Variants in PTPRT observed in about 807,000 individuals in gnomAD.
PTPRT encodes protein tyrosine phosphatase receptor type T.
Under a neutral mutation model 176.8 loss-of-function variants are expected in PTPRT, and 56 were observed. That is an observed-to-expected ratio of 0.32 (90% CI 0.26 to 0.40). PTPRT has a LOEUF of 0.40. Among genes scored for constraint, PTPRT ranks in the 10% least tolerant of loss-of-function variants. The probability of loss-of-function intolerance (pLI) is 1.00; values close to 1 mark genes in which losing one functional copy is unlikely to be tolerated. For missense variants in PTPRT, 1,540 were observed against 1,908.2 expected (o/e 0.81, Z 3.60); for synonymous variants, 783 against 739.0 (o/e 1.06, Z -0.96).
chr20:42,714,807 C>A (rs759633836), intron 6 of PTPRT, among the ~76,000 whole-genome samples: 6 of 152,168 alleles, frequency 3.9e-5, no homozygotes, highest in Non-Finnish European at 8.8e-5. Flanking sequence ...TTCTGGGCTG[C>A]TGACTCATCT....
At chr20:43,030,491 A>G (rs1385799836) in intron 1 of PTPRT, among the ~76,000 whole-genome samples, 1 of 146,284 alleles carries the variant, frequency 6.8e-6, no homozygotes, top group African/African-American at 2.7e-5. Context: ...AAAGGGGGAA[A>G]GGGCATTTCA....
the PTPRT span, among the ~76,000 whole-genome samples, chr20:42,067,613 AATATG>A: frequency 2.0e-5 from 3 of 152,198 alleles, no homozygotes; most frequent in African/African-American, 7.2e-5. Context: ...TTTCAACAAA[AATATG>A]AGATGGCAGG....
At position 42,610,946 on chromosome 20, in the gene PTPRT, T is replaced by G. The variant is rs2145823015; in HGVS notation, c.1153+66920A>C. ...AATACACTAGTCTTTCGTGTCTGAC[T>G]TCTTTCCCTTATCATGTTATTTCAA... On this transcript the variant is annotated intron_variant, in intron 7 of 30. Transcript: ENST00000373187. 2.0e-5 allele frequency among the ~76,000 whole-genome samples: 3 copies of G among 152,354 alleles called. No individual in the cohort carries two copies. The South Asian group carries it at 6.2e-4, about 32-fold the overall frequency.
intron 11 of PTPRT, among the ~76,000 whole-genome samples, chr20:42,328,607 TAA>T (rs2057918743): frequency 6.6e-6 from 1 of 152,174 alleles, no homozygotes; most frequent in Non-Finnish European, 1.5e-5. Context: ...TCACTCATTT[TAA>T]AAGAGTCATA....
chr20:43,141,484 G>A (rs369164971), intron 1 of PTPRT, among the ~76,000 whole-genome samples: 14 of 152,160 alleles, frequency 9.2e-5, no homozygotes, highest in African/African-American at 3.1e-4. Flanking sequence ...AGGGACCCCA[G>A]GAATAGCAAG....
chr20:42,939,690 C>A (rs16987638), intron 1 of PTPRT, among the ~76,000 whole-genome samples: 1 of 151,972 alleles, frequency 6.6e-6, no homozygotes, highest in African/African-American at 2.4e-5. Flanking sequence ...CAAGGTTTTT[C>A]TGCCTTCAAA....
At chr20:43,130,518 G>A (rs1353138902) in intron 1 of PTPRT, among the ~76,000 whole-genome samples, 4 of 151,996 alleles carry the variant, frequency 2.6e-5, no homozygotes, top group Non-Finnish European at 5.9e-5. Context: ...CAATTGCCTC[G>A]TTTCTCAATA....
intron 7 of PTPRT, among the ~76,000 whole-genome samples, chr20:42,637,261 T>C (rs2074623595): frequency 6.6e-6 from 1 of 152,158 alleles, no homozygotes. Context: ...CCAGAATGGT[T>C]CACCACTGTC....
At chr20:42,513,247 G>A (rs1386215850) in intron 7 of PTPRT, among the ~76,000 whole-genome samples, 1 of 149,048 alleles carries the variant, frequency 6.7e-6, no homozygotes, top group Admixed American at 6.8e-5. Flanking sequence ...TGTTTTCCAG[G>A]TGCAAAATCA....
rs980028494 is a variant in PTPRT, at chr20:42,236,220, G to A, written c.2342+9C>T. The A allele has an allele frequency of 1.3e-5, 20 of 1,597,558 alleles. No homozygotes were observed. The highest frequency in any genetic ancestry group is 1.5e-5 in the Non-Finnish European group (18 of 1,166,306). On this transcript the variant is annotated intron_variant, in intron 15 of 30. Transcript: ENST00000373187. ...CACGAAGCAAAGTTAACACCAGCTC[G>A]ATACTTACAAGTAATAGGAGTAGGA...
At chr20:42,855,364 A>G in intron 2 of PTPRT, among the ~76,000 whole-genome samples, 1 of 151,596 alleles carries the variant, frequency 6.6e-6, no homozygotes. Flanking sequence ...AACTGCCCCA[A>G]CCTCATGCTA....
chr20:43,132,946 T>A (rs1414393012), intron 1 of PTPRT, among the ~76,000 whole-genome samples: 2 of 152,208 alleles, frequency 1.3e-5, no homozygotes, highest in Non-Finnish European at 2.9e-5. Flanking sequence ...TGTTTTATCA[T>A]CTTGGATTGG....
At chr20:42,510,060 T>C (rs564269481) in intron 7 of PTPRT, among the ~76,000 whole-genome samples, 2 of 152,114 alleles carry the variant, frequency 1.3e-5, no homozygotes, top group East Asian at 3.9e-4. Flanking sequence ...GAAGGAAAAA[T>C]ACATGGCATA....
intron 1 of PTPRT, among the ~76,000 whole-genome samples, chr20:42,902,507 C>T (rs1234827626): frequency 6.6e-6 from 1 of 152,184 alleles, no homozygotes; most frequent in Non-Finnish European, 1.5e-5. Flanking sequence ...CGGTAATCCC[C>T]AGAAGAGAAC....
At chr20:42,377,236 G>C (rs2058660333) in intron 9 of PTPRT, among the ~76,000 whole-genome samples, 1 of 152,162 alleles carries the variant, frequency 6.6e-6, no homozygotes, top group South Asian at 2.1e-4. Context: ...AGAAAAGCAA[G>C]GGAGATCTGC....
At chr20:42,279,965 G>A (rs145584979) in intron 13 of PTPRT, among the ~76,000 whole-genome samples, 25 of 151,988 alleles carry the variant, frequency 1.6e-4, no homozygotes, top group African/African-American at 3.6e-4. Flanking sequence ...AGCAGCTGCC[G>A]TGATGACAGA....
At chr20:42,093,371 T>A (rs1474413398) in intron 27 of PTPRT, among the ~76,000 whole-genome samples, 1 of 152,114 alleles carries the variant, frequency 6.6e-6, no homozygotes, top group Admixed American at 6.5e-5. Context: ...TCCTAAAGAG[T>A]TAGAAAAATC....
chr20:42,567,309 G>GAAAA lies in PTPRT; in HGVS notation c.1154-94751_1154-94748dup, dbSNP rs530699223. Among the ~76,000 whole-genome samples, 15 of 150,502 alleles carry GAAAA rather than the reference G, an allele frequency of 1.0e-4. No individual in the cohort carries two copies. The East Asian group carries it at 1.8e-3, about 18-fold the overall frequency. On this transcript the variant is annotated intron_variant, in intron 7 of 30. Transcript: ENST00000373187. ...AAAATAAAAGAGAGAGAGAGAGAGA[G>GAAAA]AAAAAAAACGATTTTTAAAATAGCT...
intron 1 of PTPRT, among the ~76,000 whole-genome samples, chr20:42,972,416 C>A (rs1982698979): frequency 6.6e-6 from 1 of 151,520 alleles, no homozygotes; most frequent in South Asian, 2.1e-4. Flanking sequence ...AATGCCAACA[C>A]TTAGGGAGGC....
Sources: allele counts gnomAD v4.1 joint callset (sites outside exome capture counted in the v4.1 genomes callset), GRCh38; gene constraint gnomAD v4.1.1; transcripts MANE v1.5; gene names NCBI Gene and HGNC (gene_info 2026-07-23, HGNC 2026-07-21).